The following PLEKHA1 variants were observed in gnomAD, a reference collection of about 807,000 sequenced individuals.
PLEKHA1 encodes the protein pleckstrin homology domain-containing family A member 1.
PLEKHA1 carries 34 observed loss-of-function variants against 52.0 expected under a neutral mutation model. The ratio of observed to expected loss-of-function variants is 0.65; its 90% CI spans 0.50 to 0.87. The LOEUF (loss-of-function observed/expected upper bound fraction) is 0.87, where lower values mean the gene tolerates loss of function less well. Ranked by LOEUF, PLEKHA1 falls within the 40% of genes least tolerant of loss-of-function variation. PLEKHA1 has a pLI of 0.00. For missense variants in PLEKHA1, 497 were observed against 504.2 expected, an observed-to-expected ratio of 0.99 and a Z score of 0.14; for synonymous variants, 163 against 170.7, an observed-to-expected ratio of 0.95 and a Z score of 0.35.
rs1227750368 is a variant in PLEKHA1 at position 122,430,350 on chromosome 10, T to C, written c.*412T>C. 1 of 157,482 alleles carries C rather than the reference T, an allele frequency of 6.3e-6. No homozygotes were observed. The highest frequency in any genetic ancestry group is 2.4e-5 in the African/African-American group (1 of 41,516). The allele number at this position is 157,482 out of a possible 1,614,324, so 9.8% of individuals were successfully genotyped here. Reference sequence around the variant, plus strand: ...TTAAAGGTTCAATATTTACACATTCTTATTGGTTGATATTACCACATGAAA... The same window carrying C: ...TTAAAGGTTCAATATTTACACATTCCTATTGGTTGATATTACCACATGAAA... On this transcript the variant is annotated 3_prime_UTR_variant, in exon 12 of 12. Transcript: ENST00000368990.
chr10:122,417,037 A>G (rs2097185861), intron 7 of PLEKHA1: 1 of 153,524 alleles, frequency 6.5e-6, no homozygotes, highest in Non-Finnish European at 1.5e-5. Flanking sequence ...CACACAACTG[A>G]GGATCATAGC....
chr10:122,440,213 G>A, the PLEKHA1 span: 1 of 152,212 alleles, frequency 6.6e-6, no homozygotes, highest in Non-Finnish European at 1.5e-5. Context: ...AAAATTCAAT[G>A]TAAAAAGTAT....
At chr10:122,407,162 G>T (rs181125584) in intron 5 of PLEKHA1, among the ~76,000 whole-genome samples, 2 of 152,210 alleles carry the variant, frequency 1.3e-5, no homozygotes, top group East Asian at 3.9e-4. Context: ...GTGTCTGAAG[G>T]GTTGCGGCAG....
At chr10:122,376,492 CATT>C (rs1268770185) in intron 1 of PLEKHA1, among the ~76,000 whole-genome samples, 1 of 123,274 alleles carries the variant, frequency 8.1e-6, no homozygotes, top group African/African-American at 3.3e-5. Flanking sequence ...AATTTAGTGA[CATT>C]AAGAAGATAT....
At chr10:122,399,583 T>C (rs1374159488) in intron 3 of PLEKHA1, among the ~76,000 whole-genome samples, 1 of 151,942 alleles carries the variant, frequency 6.6e-6, no homozygotes, top group Non-Finnish European at 1.5e-5. Flanking sequence ...ACTTTATTTT[T>C]ATTTTTATTT....
chr10:122,416,815 G>A (rs2097182347), intron 7 of PLEKHA1: 1 of 152,366 alleles, frequency 6.6e-6, no homozygotes, highest in South Asian at 2.1e-4. Context: ...AATTATTTTG[G>A]TGGTTCTGTT....
At chr10:122,439,233 C>T in the PLEKHA1 span, 1 of 152,064 alleles carries the variant, frequency 6.6e-6, no homozygotes, top group East Asian at 1.9e-4. Flanking sequence ...CCCATTTGGT[C>T]AAGATATGTT....
intron 9 of PLEKHA1, among the ~76,000 whole-genome samples, chr10:122,424,545 G>A (rs1235368428): frequency 1.3e-5 from 2 of 152,116 alleles, no homozygotes; most frequent in Non-Finnish European, 2.9e-5. Flanking sequence ...AATTTAATGT[G>A]AACAACTTAT....
chr10:122,418,087 T>G (rs1268970546), intron 8 of PLEKHA1, 119 bp downstream of exon 8: 3 of 661,626 alleles, frequency 4.5e-6, no homozygotes, highest in Non-Finnish European at 4.8e-6. Flanking sequence ...TTTTTAGAGG[T>G]AAATATAGTT....
intron 3 of PLEKHA1, among the ~76,000 whole-genome samples, chr10:122,399,378 C>T (rs2096895291): frequency 6.6e-6 from 1 of 152,044 alleles, no homozygotes; most frequent in South Asian, 2.1e-4. Flanking sequence ...GGGATAGCAG[C>T]AACCAAATGC....
chr10:122,401,510 G>A (rs935901892), intron 4 of PLEKHA1, among the ~76,000 whole-genome samples: 12 of 151,438 alleles, frequency 7.9e-5, no homozygotes, highest in Admixed American at 5.3e-4. Context: ...AGGGAAGAGA[G>A]AGGTAGCAGG....
At chr10:122,423,919 C>G (rs906932001) in intron 8 of PLEKHA1, 1 of 382,892 alleles carries the variant, frequency 2.6e-6, no homozygotes, top group Non-Finnish European at 4.5e-6. Context: ...AGTCTGATGG[C>G]TAATAGCTTT....
chr10:122,419,865 A>G (rs2097233948), intron 8 of PLEKHA1: 1 of 152,196 alleles, frequency 6.6e-6, no homozygotes, highest in African/African-American at 2.4e-5. Flanking sequence ...CAGGTTTTCA[A>G]AACTTAGTAT....
At chr10:122,406,803 G>A (rs949268299) in intron 5 of PLEKHA1, 130 bp downstream of exon 5, 2 of 673,316 alleles carry the variant, frequency 3.0e-6, no homozygotes, top group Admixed American at 2.8e-5. Flanking sequence ...AAAGACAGGT[G>A]TTCAGAATGT....
intron 8 of PLEKHA1, chr10:122,420,382 G>T (rs2097242400): frequency 6.6e-6 from 1 of 152,018 alleles, no homozygotes; most frequent in African/African-American, 2.4e-5. Flanking sequence ...CCTTTTAGTA[G>T]ATAGAAATAA....
chr10:122,380,818 G>A (rs2096604743), intron 1 of PLEKHA1, among the ~76,000 whole-genome samples: 1 of 152,102 alleles, frequency 6.6e-6, no homozygotes, highest in Non-Finnish European at 1.5e-5. Flanking sequence ...TAGGCATCAG[G>A]AATTTTTAAA....
chr10:122,395,905 A>C (rs1285876856), intron 2 of PLEKHA1, among the ~76,000 whole-genome samples: 1 of 152,148 alleles, frequency 6.6e-6, no homozygotes, highest in Non-Finnish European at 1.5e-5. Context: ...AGTATTTGGC[A>C]AAATGAGTTT....
intron 1 of PLEKHA1, among the ~76,000 whole-genome samples, chr10:122,382,494 T>C (rs1292363734): frequency 6.6e-6 from 1 of 152,230 alleles, no homozygotes; most frequent in Admixed American, 6.5e-5. Context: ...ATACATTTCC[T>C]GTTTGCAATT....
chr10:122,407,238 T>C (rs11200617), intron 5 of PLEKHA1, among the ~76,000 whole-genome samples: 150,393 of 152,262 alleles, frequency 0.99, 74,357 homozygotes, highest in Middle Eastern at 1. Flanking sequence ...TTCCCATGTC[T>C]GATTTTTTTC....
Sources: gnomAD v4.1 joint callset for allele counts (sites outside exome capture counted in the v4.1 genomes callset) on GRCh38, gnomAD v4.1.1 for gene constraint, MANE v1.5 for transcripts, NCBI Gene and HGNC (gene_info 2026-07-23, HGNC 2026-07-21) for gene names.